PRKG1: variants seen among roughly 807,000 people sequenced by gnomAD.
PRKG1 encodes cGMP-dependent protein kinase 1.
Under a neutral mutation model 88.1 loss-of-function variants are expected in PRKG1, and 35 were observed. The ratio of observed to expected loss-of-function variants is 0.40; its 90% confidence interval spans 0.30 to 0.53. The LOEUF is 0.53. Among genes scored for constraint, PRKG1 ranks in the 20% least tolerant of loss-of-function variants. The probability of loss-of-function intolerance (pLI) is 0.59; values close to 1 mark genes in which losing one functional copy is unlikely to be tolerated. For missense variants in PRKG1, 540 were observed against 839.8 expected (o/e 0.64, Z 4.41); for synonymous variants, 303 against 292.5 (o/e 1.04, Z -0.37).
intron 9 of PRKG1, among the ~76,000 whole-genome samples, chr10:52,224,838 T>C (rs113341787): frequency 0.13 from 17,707 of 135,716 alleles, 2,624 homozygotes; most frequent in African/African-American, 0.32. Flanking sequence ...TATATATATA[T>C]ACATACATAC....
chr10:51,615,798 G>GT (rs1322017591), intron 3 of PRKG1, among the ~76,000 whole-genome samples: 3 of 150,998 alleles, frequency 2.0e-5, no homozygotes, highest in African/African-American at 4.9e-5. Flanking sequence ...ATTTCAAATT[G>GT]TTTTTCTGAG....
intron 3 of PRKG1, among the ~76,000 whole-genome samples, chr10:51,505,350 A>C (rs1368143822): frequency 6.6e-6 from 1 of 152,038 alleles, no homozygotes; most frequent in Non-Finnish European, 1.5e-5. Context: ...AAGCTTTTTG[A>C]TGTGCTGCTG....
chr10:52,258,773 A>G (rs987614709), intron 10 of PRKG1, among the ~76,000 whole-genome samples: 20 of 152,148 alleles, frequency 1.3e-4, no homozygotes, highest in African/African-American at 4.6e-4. Flanking sequence ...CAAACAAAAT[A>G]TTATGCTATT....
chr10:51,651,391 G>T (rs1046933039), intron 3 of PRKG1, among the ~76,000 whole-genome samples: 1 of 151,856 alleles, frequency 6.6e-6, no homozygotes, highest in African/African-American at 2.4e-5. Context: ...GCCTATGGTG[G>T]GATGCCCTTC....
intron 4 of PRKG1, among the ~76,000 whole-genome samples, chr10:51,891,642 C>T (rs564261769): frequency 3.4e-4 from 52 of 152,238 alleles, no homozygotes; most frequent in African/African-American, 9.4e-4. Context: ...CCTAGGACTG[C>T]GGTTGGAAAA....
chr10:51,603,809 A>C (rs1838680526), intron 3 of PRKG1, among the ~76,000 whole-genome samples: 1 of 152,242 alleles, frequency 6.6e-6, no homozygotes, highest in South Asian at 2.1e-4. Flanking sequence ...TGACTTTAGG[A>C]GAAGGGGTTG....
At chr10:51,625,697 T>A (rs1236620199) in intron 3 of PRKG1, among the ~76,000 whole-genome samples, 1 of 151,590 alleles carries the variant, frequency 6.6e-6, no homozygotes, top group African/African-American at 2.4e-5. Context: ...ATATTTAAAT[T>A]ATGCTTCAAT....
intron 1 of PRKG1, among the ~76,000 whole-genome samples, chr10:51,016,740 C>T (rs1338991445): frequency 8.0e-6 from 1 of 125,016 alleles, no homozygotes; most frequent in East Asian, 2.6e-4. Flanking sequence ...GCGATCTCGG[C>T]TCACTGGAAA....
chr10:51,136,699 T>C (rs1386094521), intron 1 of PRKG1, among the ~76,000 whole-genome samples: 1 of 151,964 alleles, frequency 6.6e-6, no homozygotes, highest in Non-Finnish European at 1.5e-5. Flanking sequence ...GCTCTATCTC[T>C]TTTCTTTGAT....
At chr10:51,299,869 T>A (rs1216945120) in intron 2 of PRKG1, among the ~76,000 whole-genome samples, 1 of 152,194 alleles carries the variant, frequency 6.6e-6, no homozygotes, top group Non-Finnish European at 1.5e-5. Context: ...GATGCAAATG[T>A]ACAAAAGAAC....
intron 2 of PRKG1, among the ~76,000 whole-genome samples, chr10:51,400,586 A>G (rs1455286748): frequency 6.6e-6 from 1 of 152,224 alleles, no homozygotes; most frequent in East Asian, 1.9e-4. Flanking sequence ...GCCTTCTGTG[A>G]GGACTCTTAA....
chr10:51,695,580 G>GAAAGCTTTGAGAT, intron 3 of PRKG1: 1 of 152,182 alleles, frequency 6.6e-6, no homozygotes, highest in East Asian at 1.9e-4. Context: ...GCCCTTCAGT[G>GAAAGCTTTGAGAT]AAAGCTTTGA....
intron 9 of PRKG1, among the ~76,000 whole-genome samples, chr10:52,188,765 G>A (rs1839286883): frequency 6.6e-6 from 1 of 152,008 alleles, no homozygotes; most frequent in Admixed American, 6.6e-5. Flanking sequence ...AAGAGCAGAA[G>A]AAAATAATGT....
In PRKG1 at chr10:51,858,381, TATATATATA is replaced by T. The variant is rs1351968802; in HGVS notation, c.699-49106_699-49098del. Among the ~76,000 whole-genome samples, 4 of 28,512 alleles carry T rather than the reference TATATATATA, an allele frequency of 1.4e-4. 1 individual carries two copies. The highest frequency in any genetic ancestry group is 8.9e-4 in the East Asian group (2 of 2,242). The allele number at this position is 28,512 out of a possible 152,430, so 18.7% of individuals were successfully genotyped here. Reference sequence around the variant, plus strand: ...TATATTATATATAATATATATAAAATATATATATAATATATATAATATATATAAAATATA... The same window carrying T: ...TATATTATATATAATATATATAAAATATATATATAATATATATAAAATATA... On this transcript the variant is annotated intron_variant, in intron 4 of 17. Transcript: ENST00000373980.
intron 5 of PRKG1, among the ~76,000 whole-genome samples, chr10:52,038,969 T>C (rs989852685): frequency 2.0e-5 from 3 of 152,146 alleles, no homozygotes; most frequent in Non-Finnish European, 1.5e-5. Flanking sequence ...GCTTACCTGA[T>C]TTAAAATTGG....
intron 5 of PRKG1, among the ~76,000 whole-genome samples, chr10:51,919,506 G>A (rs1479555161): frequency 6.6e-6 from 1 of 151,236 alleles, no homozygotes; most frequent in Non-Finnish European, 1.5e-5. Flanking sequence ...CTTGTAAATA[G>A]ACCTGCTGTG....
At chr10:52,048,586 G>T (rs1845915432) in intron 5 of PRKG1, among the ~76,000 whole-genome samples, 1 of 152,112 alleles carries the variant, frequency 6.6e-6, no homozygotes, top group Admixed American at 6.6e-5. Context: ...AAATAAATAT[G>T]TGTAGAATTT....
chr10:51,246,043 T>C (rs1296350747), intron 2 of PRKG1, among the ~76,000 whole-genome samples: 1 of 152,034 alleles, frequency 6.6e-6, no homozygotes, highest in East Asian at 1.9e-4. Flanking sequence ...CTCCATTGTA[T>C]TATTAGGCTA....
chr10:51,135,302 C>T (rs771621152), intron 1 of PRKG1, among the ~76,000 whole-genome samples: 34 of 152,004 alleles, frequency 2.2e-4, no homozygotes, highest in Non-Finnish European at 4.1e-4. Context: ...ACTTATTTGA[C>T]GTTTTTAAAG....
Sources: gnomAD v4.1 joint callset for allele counts (sites outside exome capture counted in the v4.1 genomes callset) on GRCh38, gnomAD v4.1.1 for gene constraint, MANE v1.5 for transcripts, NCBI Gene and HGNC (gene_info 2026-07-23, HGNC 2026-07-21) for gene names.